The following SLC51A variants were observed in gnomAD, a reference collection of about 807,000 sequenced individuals.
SLC51A encodes solute carrier family 51 member A.
SLC51A carries 22 observed loss-of-function variants against 34.8 expected under a neutral mutation model. That is an observed-to-expected ratio of 0.63 (90% confidence interval 0.45 to 0.90). The LOEUF is 0.90. SLC51A is among the 40% of genes least tolerant of loss of function. The probability of loss-of-function intolerance (pLI) is 0.00; values close to 1 mark genes in which losing one functional copy is unlikely to be tolerated. For missense variants in SLC51A, 371 were observed against 414.8 expected, an observed-to-expected ratio of 0.89 and a Z score of 0.92; for synonymous variants, 181 against 176.3, an observed-to-expected ratio of 1.03 and a Z score of -0.21.
Position 196,232,409 on chromosome 3 carries a change from T to A in SLC51A, c.781-10T>A. 1 of 1,610,896 alleles carries A rather than the reference T, an allele frequency of 6.2e-7. No homozygotes were observed. Among genetic ancestry groups the A allele is most frequent in the South Asian group, 1.1e-5 (1 of 91,012 alleles). On this transcript the variant is annotated splice_polypyrimidine_tract_variant and intron_variant, in intron 7 of 8. Transcript: ENST00000296327. ...CCAGTCCACCCTTGCCTCTCTTTTA[T>A]GTTCCGCAGGTTCTCCTCATCCTGA...
At chr3:196,217,718 G>C in intron 1 of SLC51A, 124 bp from the exon 2 acceptor site, 1 of 653,480 alleles carries the variant, frequency 1.5e-6, no homozygotes, top group African/African-American at 1.8e-5. Flanking sequence ...AAGAAAGAGA[G>C]AGAAAGAGGC....
rs201110883 is a variant in SLC51A at position 196,232,472 on chromosome 3, C to T, written c.834C>T (p.Asn278=). 744 of 1,614,204 alleles carry T rather than the reference C, an allele frequency of 4.6e-4. 12 individuals carry two copies. The South Asian group carries it at 6.7e-3, about 14-fold the overall frequency. The change falls in exon 8 of 9, where the codon AAC becomes AAT. Residue 278 remains asparagine (N), a synonymous_variant. Transcript: ENST00000296327. ...LQPSIFSVLA[N]GGQIACSPPY... ...CCTCCATCTTCTCAGTCTTGGCCAA[C>T]GGTGGGCAGATTGCTTGTTCGCCTC...
chr3:196,216,630 A>ACCCAGCCCCCCGCCCCC lies in SLC51A; in HGVS notation c.-80_-79insAGCCCCCCGCCCCCCCC. 9.2e-7 allele frequency: 1 copy of ACCCAGCCCCCCGCCCCC among 1,083,700 alleles called. No individual in the cohort carries two copies. Among genetic ancestry groups the ACCCAGCCCCCCGCCCCC allele is most frequent in the Non-Finnish European group, 1.4e-6 (1 of 736,958 alleles). 67.1% of individuals were successfully genotyped at this position (1,083,700 alleles called of 1,614,324 possible). On this transcript the variant is annotated 5_prime_UTR_variant, in exon 1 of 9. Coordinates refer to ENST00000296327, the MANE Select transcript of SLC51A (RefSeq NM_152672.6). The surrounding 1 kb of genome is among the most constrained non-coding windows in gnomAD (Gnocchi z 4.5). ...CCCCCCACCCCGGCCCAGGCAAGCCACCCTGCCCCCGGCCCCCACCTGCCC... is the reference window on the plus strand; with the variant it reads ...CCCCCCACCCCGGCCCAGGCAAGCCACCCAGCCCCCCGCCCCCCCCTGCCCCCGGCCCCCACCTGCCC...
intron 2 of SLC51A, 136 bp from the exon 3 acceptor site, chr3:196,226,828 CT>C (rs1342823143): frequency 1.7e-6 from 1 of 580,848 alleles, no homozygotes; most frequent in East Asian, 3.5e-5. Flanking sequence ...AGGTTGAATA[CT>C]CTAGGTCTAA....
chr3:196,220,402 G>A (rs1723724465), intron 2 of SLC51A, among the ~76,000 whole-genome samples: 4 of 152,150 alleles, frequency 2.6e-5, no homozygotes, highest in South Asian at 2.1e-4. Flanking sequence ...TTCAAGATCA[G>A]CCTGGCCAAT....
rs10578707 is a variant in SLC51A, at chr3:196,223,857, C to CTTTT, written c.134-3091_134-3088dup. On this transcript the variant is annotated intron_variant, in intron 2 of 8. Transcript: ENST00000296327. ...AGTGTAATTTCCTTTTTTTTAATGC[C>CTTTT]TTTTTTTTTTTTTTTTTTTTCAGAC... 2,143 of 334,098 alleles carry CTTTT rather than the reference C, an allele frequency of 6.4e-3. 4 individuals carry two copies. Among genetic ancestry groups the CTTTT allele is most frequent in the South Asian group, 0.013 (627 of 49,418 alleles). 20.7% of individuals were successfully genotyped at this position (334,098 alleles called of 1,614,324 possible).
intron 2 of SLC51A, among the ~76,000 whole-genome samples, chr3:196,221,994 A>T (rs1723769345): frequency 6.6e-6 from 1 of 152,258 alleles, no homozygotes; most frequent in East Asian, 1.9e-4. Flanking sequence ...CTGGGATGAC[A>T]GGCGTGAGCC....
chr3:196,227,565 G>T, intron 3 of SLC51A, 99 bp from the exon 4 acceptor site: 2 of 991,410 alleles, frequency 2.0e-6, no homozygotes, highest in East Asian at 2.4e-5. Flanking sequence ...ACGCTGCCTC[G>T]AATGTGTAGG....
rs753913333 is a variant in SLC51A at position 196,228,871 on chromosome 3, C to A, written c.584C>A (p.Thr195Asn). Residue 195 changes from threonine (T) to asparagine (N), a missense_variant, in exon 6 of 9, where the codon ACC becomes AAC. Transcript: ENST00000296327. The surrounding 1 kb of genome is among the most constrained non-coding windows in gnomAD (Gnocchi z 4.9). ...TACGCCTTCTTGAAGATAACGCTGA[C>A]CCTGGTGGGCCTGTTTCTCGTCCCC... The part of the protein sequence containing the change: ...FQYAFLKITL[T>N]LVGLFLVPDG... 6.2e-7 allele frequency: 1 copy of A among 1,614,190 alleles called. No homozygotes were observed. Among genetic ancestry groups the A allele is most frequent in the Admixed American group, 1.7e-5 (1 of 60,020 alleles).
At chr3:196,227,950 T>A in intron 4 of SLC51A, 165 bp from the exon 5 acceptor site, 1 of 1,022,960 alleles carries the variant, frequency 9.8e-7, no homozygotes, top group Non-Finnish European at 1.4e-6. Context: ...CAGTCTGAAA[T>A]TCCCCTTCTC....
chr3:196,216,838 T>C lies in SLC51A; in HGVS notation c.38+88T>C. 7.5e-7 allele frequency: 1 copy of C among 1,337,230 alleles called. No individual in the cohort carries two copies. The highest frequency in any genetic ancestry group is 1.9e-4 in the Middle Eastern group (1 of 5,210). 82.8% of individuals were successfully genotyped at this position (1,337,230 alleles called of 1,614,324 possible). A position where few individuals can be genotyped will look rare whatever the true frequency, so the allele number is the denominator to read the frequency against. On this transcript the variant is annotated intron_variant, in intron 1 of 8. Transcript: ENST00000296327. This position sits in a 1 kb window ranked among gnomAD's most constrained non-coding sequence, Gnocchi z 4.5. ...TGTCCTCTCTCCCTCCCAGAGCCCT[T>C]TGGCGGCCGCACTCAGAATGAGACA...
chr3:196,217,811 T>C (rs1723635266), intron 1 of SLC51A, 31 bp from the exon 2 acceptor site: 2 of 1,600,340 alleles, frequency 1.2e-6, no homozygotes, highest in South Asian at 1.1e-5. Flanking sequence ...CCAGCCCCCA[T>C]GGTTCTGAGC....
In SLC51A at chr3:196,233,363, G is replaced by A. The variant is rs1724073150; in HGVS notation, c.*164G>A. On this transcript the variant is annotated 3_prime_UTR_variant, in exon 9 of 9. Coordinates refer to ENST00000296327, the MANE Select transcript of SLC51A (RefSeq NM_152672.6). ...AGGTGAACAATGTTAGAATAAAATT[G>A]CTTTGGATCTTGCCTGGAAGGTGTT... is the stretch of plus-strand genomic sequence containing the variant. 6.4e-6 allele frequency: 5 copies of A among 784,070 alleles called. No homozygotes were observed. The South Asian group carries it at 7.4e-5, about 12-fold the overall frequency. 48.6% of individuals were successfully genotyped at this position (784,070 alleles called of 1,614,324 possible).
chr3:196,227,242 C>G (rs1043073111), intron 3 of SLC51A, 123 bp downstream of exon 3: 4 of 1,081,942 alleles, frequency 3.7e-6, no homozygotes, highest in South Asian at 1.6e-5. Context: ...CGCGGAGGGC[C>G]GAGGTTTGCA....
intron 2 of SLC51A, among the ~76,000 whole-genome samples, chr3:196,218,619 G>C (rs1042665184): frequency 6.6e-6 from 1 of 152,194 alleles, no homozygotes; most frequent in Non-Finnish European, 1.5e-5. Flanking sequence ...CCCGAGGCCA[G>C]CTCAAGTTCA....
Position 196,228,982 on chromosome 3 carries a change from G to T in SLC51A, c.633+62G>T. On this transcript the variant is annotated intron_variant, in intron 6 of 8. Coordinates refer to ENST00000296327, the MANE Select transcript of SLC51A (RefSeq NM_152672.6). The surrounding 1 kb of genome is among the most constrained non-coding windows in gnomAD (Gnocchi z 4.9). ...CATTTAGTACCTTTGTGTTCTAAAA[G>T]GAATCACCAGAGCCAACACCCCTTG... is the stretch of plus-strand genomic sequence containing the variant. 7.3e-7 allele frequency: 1 copy of T among 1,369,638 alleles called. No homozygotes were observed. Among genetic ancestry groups the T allele is most frequent in the Non-Finnish European group, 1.0e-6 (1 of 957,438 alleles). The allele number at this position is 1,369,638 out of a possible 1,614,324, so 84.8% of individuals were successfully genotyped here. A position where few individuals can be genotyped will look rare whatever the true frequency, so the allele number is the denominator to read the frequency against.
chr3:196,228,505 C>T lies in SLC51A; in HGVS notation c.521+232C>T. The T allele has an allele frequency of 1.6e-6, 1 of 629,756 alleles. No homozygotes were observed. 39.0% of individuals were successfully genotyped at this position (629,756 alleles called of 1,614,324 possible). On this transcript the variant is annotated intron_variant, in intron 5 of 8. Transcript: ENST00000296327. This position sits in a 1 kb window ranked among gnomAD's most constrained non-coding sequence, Gnocchi z 4.9. ...CACTGCACCCTGCAAGCCTTAGCCA[C>T]ACAGAGAAAACTGGACTTGGGGCCA... is the stretch of plus-strand genomic sequence containing the variant.
intron 2 of SLC51A, among the ~76,000 whole-genome samples, chr3:196,222,699 A>T (rs980637081): frequency 1.3e-5 from 2 of 151,778 alleles, no homozygotes; most frequent in African/African-American, 4.8e-5. Context: ...GAAATTTACA[A>T]TGTAAATTAG....
Position 196,228,417 on chromosome 3 carries a change from C to A in SLC51A, c.521+144C>A. ...GCATCCCACGGCCAGGACCCACGGG[C>A]GCCACCCTCAGGGGACAGGGGAGCA... On this transcript the variant is annotated intron_variant, in intron 5 of 8. Transcript: ENST00000296327. The surrounding 1 kb of genome is among the most constrained non-coding windows in gnomAD (Gnocchi z 4.9). 9.2e-7 allele frequency: 1 copy of A among 1,081,636 alleles called. No individual in the cohort carries two copies. Among genetic ancestry groups the A allele is most frequent in the Non-Finnish European group, 1.3e-6 (1 of 775,728 alleles). The allele number at this position is 1,081,636 out of a possible 1,614,324, so 67.0% of individuals were successfully genotyped here. A position where few individuals can be genotyped will look rare whatever the true frequency, so the allele number is the denominator to read the frequency against.
Sources: gnomAD v4.1 joint callset for allele counts (sites outside exome capture counted in the v4.1 genomes callset) on GRCh38, gnomAD v4.1.1 for gene constraint, Gnocchi (gnomAD v3.1) non-coding constraint, MANE v1.5 for transcripts, NCBI Gene and HGNC (gene_info 2026-07-23, HGNC 2026-07-21) for gene names.